DOCK9: variants seen among roughly 807,000 people sequenced by gnomAD.
DOCK9 encodes the protein dedicator of cytokinesis protein 9.
DOCK9 carries 89 observed loss-of-function variants against 263.3 expected under a neutral mutation model. That is an observed-to-expected ratio of 0.34 (90% confidence interval 0.28 to 0.40). DOCK9 has a LOEUF of 0.40. Among genes scored for constraint, DOCK9 ranks in the 10% least tolerant of loss-of-function variants. DOCK9 has a pLI of 1.00. For missense variants in DOCK9, 2,140 were observed against 2,603.4 expected (o/e 0.82, Z 3.87); for synonymous variants, 976 against 973.1 (o/e 1.00, Z -0.06).
chr13:98,954,120 T>C (rs1461692880), intron 2 of DOCK9, among the ~76,000 whole-genome samples: 1 of 152,096 alleles, frequency 6.6e-6, no homozygotes, highest in African/African-American at 2.4e-5. Flanking sequence ...TCATGTTCTG[T>C]GGGATGGGAT....
At chr13:98,930,645 T>C (rs1299908613) in intron 2 of DOCK9, among the ~76,000 whole-genome samples, 2 of 152,198 alleles carry the variant, frequency 1.3e-5, no homozygotes, top group Admixed American at 6.5e-5. Context: ...AAATTTACCA[T>C]TTGAAACTTT....
intron 39 of DOCK9, among the ~76,000 whole-genome samples, chr13:98,835,088 T>C (rs575994914): frequency 1.8e-4 from 28 of 152,350 alleles, no homozygotes; most frequent in African/African-American, 6.5e-4. Flanking sequence ...ACTCAATACA[T>C]AGCAGGAAGC....
At chr13:98,942,100 T>G (rs1171018426) in intron 2 of DOCK9, among the ~76,000 whole-genome samples, 3 of 152,200 alleles carry the variant, frequency 2.0e-5, no homozygotes, top group Non-Finnish European at 2.9e-5. Context: ...CTACCTCTAG[T>G]GTCTAAAGCA....
In DOCK9 at chr13:98,855,787, T is replaced by C. The variant is rs73556908; in HGVS notation, c.3831+111A>G. 1.3e-3 allele frequency: 1,810 copies of C among 1,362,794 alleles called. 20 individuals carry two copies. In the African/African-American group the frequency reaches 0.024, roughly 18 times the overall value. 84.4% of individuals were successfully genotyped at this position (1,362,794 alleles called of 1,614,324 possible). On this transcript the variant is annotated intron_variant, in intron 34 of 52. Transcript: ENST00000682017. ...CCTACTCCAGGTCAGCCGGGTGGTT[T>C]AGAAAAAAACAAAAGGTCACACTTA...
At chr13:99,087,673 G>T (rs2298282), upstream of DOCK9, 22,575 of 152,342 alleles carry the variant, frequency 0.15, 2,392 homozygotes, top group East Asian at 0.42. Context: ...ACAGGGCCGC[G>T]GAGAGGGCGC....
chr13:98,898,053 C>T (rs2047696472), intron 14 of DOCK9, 126 bp downstream of exon 14: 1 of 693,084 alleles, frequency 1.4e-6, no homozygotes, highest in East Asian at 2.8e-5. Flanking sequence ...AAAATCTGGG[C>T]TTATGTATTT....
In DOCK9 at chr13:98,860,473, G is replaced by A. The variant is rs1169128883; in HGVS notation, c.3629C>T (p.Thr1210Met). 27 of 1,587,358 alleles carry A rather than the reference G, an allele frequency of 1.7e-5. No homozygotes were observed. The highest frequency in any genetic ancestry group is 2.1e-5 in the Non-Finnish European group (24 of 1,165,768). The change falls in exon 33 of 53, where the codon ACG becomes ATG. Residue 1210 changes from threonine (T) to methionine (M), a missense_variant. Physicochemically the swap from Thr to Met is moderately conservative, Grantham distance 81. Transcript: ENST00000682017. ...LALPAVNPLV[T>M]PQKGSTLDNS... ...GTCCAGGGTGCTTCCCTTCTGCGGCGTCACCAGCGGATTCACAGCTGGTAG... is the reference window on the plus strand; with the variant it reads ...GTCCAGGGTGCTTCCCTTCTGCGGCATCACCAGCGGATTCACAGCTGGTAG...
chr13:98,925,893 CCAGT>C lies in DOCK9; in HGVS notation c.356_359del (p.Asp119GlyfsTer4). 1.3e-6 allele frequency: 2 copies of C among 1,586,914 alleles called. No homozygotes were observed. Among genetic ancestry groups the C allele is most frequent in the Non-Finnish European group, 1.7e-6 (2 of 1,166,106 alleles). On this transcript the variant is annotated frameshift_variant, in exon 4 of 53. Transcript: ENST00000682017. LOFTEE classifies it high-confidence loss of function. Reference sequence around the variant, plus strand: ...CTTCATATTTATAGTTCACAAGATGCCAGTCAGAGTTATAGGTTTTGATGCACTA... The same window carrying C: ...CTTCATATTTATAGTTCACAAGATGCCAGAGTTATAGGTTTTGATGCACTA...
rs61744810 is a variant in DOCK9 at position 98,902,984 on chromosome 13, T to C, written c.1164A>G (p.Gly388=). ...LQCCVAENEE[G]PTTNVEPFFV... The stretch of plus-strand genomic sequence containing the variant: ...AATGAAAAATTACATTTGTAGTGGG[T>C]CCTTCTTCATTTTCGGCAACACAGC... The change falls in exon 11 of 53, where the codon GGA becomes GGG. Residue 388 remains glycine (G), a synonymous_variant. Transcript: ENST00000682017. The C allele has an allele frequency of 1.6e-5, 24 of 1,513,694 alleles. No homozygotes were observed. In the African/African-American group the frequency reaches 3.1e-4, roughly 20 times the overall value. 93.8% of individuals were successfully genotyped at this position (1,513,694 alleles called of 1,614,324 possible). A position where few individuals can be genotyped will look rare whatever the true frequency, so the allele number is the denominator to read the frequency against.
intron 1 of DOCK9, among the ~76,000 whole-genome samples, chr13:99,040,903 A>T (rs1301899321): frequency 6.6e-6 from 1 of 152,120 alleles, no homozygotes; most frequent in East Asian, 1.9e-4. Context: ...CAAAATGAAA[A>T]CTGGTTTGGC....
intron 36 of DOCK9, among the ~76,000 whole-genome samples, chr13:98,849,703 C>G (rs998531410): frequency 6.6e-6 from 1 of 152,174 alleles, no homozygotes; most frequent in Non-Finnish European, 1.5e-5. Context: ...ACTTTTCTGA[C>G]TCAGTTTCTG....
chr13:98,819,664 G>A (rs1401692992), intron 45 of DOCK9, among the ~76,000 whole-genome samples: 5 of 152,212 alleles, frequency 3.3e-5, no homozygotes, highest in Non-Finnish European at 7.3e-5. Context: ...GTGGAGAATC[G>A]CTGTAACACT....
intron 50 of DOCK9, among the ~76,000 whole-genome samples, chr13:98,798,531 G>A (rs2089722251): frequency 2.9e-5 from 2 of 68,406 alleles, no homozygotes; most frequent in Admixed American, 1.6e-4. Context: ...ACCTGAAGAC[G>A]ACCAAAATGA....
At chr13:98,923,216 T>A in intron 5 of DOCK9, 86 bp downstream of exon 5, 1 of 1,351,326 alleles carries the variant, frequency 7.4e-7, no homozygotes, top group South Asian at 1.2e-5. Flanking sequence ...TAAATGTCGG[T>A]AATTTTCTAA....
intron 10 of DOCK9, among the ~76,000 whole-genome samples, chr13:98,903,335 T>C (rs1473149570): frequency 6.6e-6 from 1 of 152,160 alleles, no homozygotes; most frequent in Non-Finnish European, 1.5e-5. Context: ...GGCTCACGCC[T>C]GTAATTCCAG....
At chr13:98,955,749 A>G (rs2057979342) in intron 1 of DOCK9, among the ~76,000 whole-genome samples, 198 bp from the exon 2 acceptor site, 1 of 152,240 alleles carries the variant, frequency 6.6e-6, no homozygotes, top group Non-Finnish European at 1.5e-5. Flanking sequence ...ACACAGAGTG[A>G]TGCTTGTTCA....
At chr13:98,946,385 C>T (rs532260096) in intron 2 of DOCK9, among the ~76,000 whole-genome samples, 86 of 152,234 alleles carry the variant, frequency 5.6e-4, no homozygotes, top group African/African-American at 2.0e-3. Context: ...TTGACTCCCC[C>T]TGCCACTCTC....
intron 15 of DOCK9, among the ~76,000 whole-genome samples, chr13:98,895,320 G>C (rs1566889616): frequency 6.6e-6 from 1 of 151,910 alleles, no homozygotes. Flanking sequence ...TATGATCATA[G>C]CTACATAAGA....
At chr13:98,804,613 A>G (rs796336516) in intron 49 of DOCK9, among the ~76,000 whole-genome samples, 1 of 152,130 alleles carries the variant, frequency 6.6e-6, no homozygotes, top group Admixed American at 6.5e-5. Context: ...AACCTGAGAC[A>G]GGTGTGTGAG....
Sources: allele counts gnomAD v4.1 joint callset (sites outside exome capture counted in the v4.1 genomes callset), GRCh38; gene constraint gnomAD v4.1.1; transcripts MANE v1.5; gene names NCBI Gene and HGNC (gene_info 2026-07-23, HGNC 2026-07-21).